Variants in PTPRK observed in about 807,000 individuals in gnomAD.
PTPRK encodes receptor-type tyrosine-protein phosphatase kappa.
PTPRK carries 75 observed loss-of-function variants against 178.0 expected under a neutral mutation model. The observed-to-expected ratio is 0.42, with a 90% CI of 0.35 to 0.51. The LOEUF (loss-of-function observed/expected upper bound fraction) is 0.51. Among genes scored for constraint, PTPRK ranks in the 20% least tolerant of loss-of-function variants. PTPRK has a pLI of 0.02. For missense variants in PTPRK, 1,441 were observed against 1,797.8 expected, an observed-to-expected ratio of 0.80 and a Z score of 3.59; for synonymous variants, 637 against 620.6, an observed-to-expected ratio of 1.03 and a Z score of -0.39.
intron 1 of PTPRK, among the ~76,000 whole-genome samples, chr6:128,419,769 T>C (rs1184750761): frequency 6.6e-6 from 1 of 152,188 alleles, no homozygotes; most frequent in Non-Finnish European, 1.5e-5. Context: ...AGACCGATTC[T>C]GGGGTTGAAG....
chr6:128,257,622 C>G (rs1817544345), intron 3 of PTPRK, among the ~76,000 whole-genome samples: 1 of 151,998 alleles, frequency 6.6e-6, no homozygotes, highest in Admixed American at 6.6e-5. Flanking sequence ...TTCAGGAAAA[C>G]AAATTTGTGT....
chr6:128,464,205 C>A (rs1259495302), intron 1 of PTPRK, among the ~76,000 whole-genome samples: 1 of 151,894 alleles, frequency 6.6e-6, no homozygotes, highest in Admixed American at 6.6e-5. Flanking sequence ...AAAAAAAAAT[C>A]TCTTCATGTA....
intron 7 of PTPRK, 55 bp downstream of exon 7, chr6:128,184,377 G>A (rs781065706): frequency 5.1e-5 from 77 of 1,524,228 alleles, no homozygotes; most frequent in Non-Finnish European, 6.5e-5. Context: ...ATGTATTAAT[G>A]TGTCTTATGC....
At chr6:128,382,841 T>C (rs966556242) in intron 2 of PTPRK, among the ~76,000 whole-genome samples, 5 of 152,204 alleles carry the variant, frequency 3.3e-5, no homozygotes, top group Admixed American at 6.5e-5. Flanking sequence ...AACATAGATG[T>C]AGAGCATTTG....
intron 13 of PTPRK, chr6:128,063,310 T>C (rs183815363): frequency 1.3e-3 from 191 of 152,334 alleles, no homozygotes; most frequent in African/African-American, 4.2e-3. Context: ...TTAAATATCA[T>C]GTGATATTTG....
At chr6:128,005,917 C>G (rs1562421445) in intron 14 of PTPRK, 2 of 827,780 alleles carry the variant, frequency 2.4e-6, no homozygotes, top group Non-Finnish European at 3.5e-6. Context: ...TCTGAAAAAA[C>G]TTTTTTTTTG....
chr6:128,438,034 C>T (rs1464648893), intron 1 of PTPRK, among the ~76,000 whole-genome samples: 1 of 152,228 alleles, frequency 6.6e-6, no homozygotes, highest in Non-Finnish European at 1.5e-5. Context: ...ATACGGGTTT[C>T]CCATCCCGGG....
At chr6:128,150,281 T>G (rs562551081) in intron 7 of PTPRK, among the ~76,000 whole-genome samples, 1 of 152,270 alleles carries the variant, frequency 6.6e-6, no homozygotes, top group African/African-American at 2.4e-5. Flanking sequence ...TCATTTCTGA[T>G]TTTATTCCTT....
At chr6:128,451,257 CATG>C (rs1306216418) in intron 1 of PTPRK, among the ~76,000 whole-genome samples, 1 of 152,148 alleles carries the variant, frequency 6.6e-6, no homozygotes, top group Non-Finnish European at 1.5e-5. Context: ...TTGACCAATA[CATG>C]ATGTTTCCAA....
chr6:128,315,756 AT>A (rs1255545772), intron 3 of PTPRK, among the ~76,000 whole-genome samples: 2 of 152,190 alleles, frequency 1.3e-5, no homozygotes, highest in African/African-American at 4.8e-5. Context: ...TGAAAAATGT[AT>A]TTGTTTTCTA....
intron 3 of PTPRK, among the ~76,000 whole-genome samples, chr6:128,285,460 A>G (rs1235498270): frequency 6.6e-6 from 1 of 150,422 alleles, no homozygotes; most frequent in Non-Finnish European, 1.5e-5. Context: ...GGTTGCAGTG[A>G]GCTGAGATTG....
intron 6 of PTPRK, 48 bp downstream of exon 6, chr6:128,218,874 T>C: frequency 1.3e-6 from 2 of 1,488,622 alleles, no homozygotes; most frequent in Non-Finnish European, 1.8e-6. Flanking sequence ...TTGCTTTTGT[T>C]CTAATAAAGC....
chr6:128,390,352 G>A (rs561030324), intron 2 of PTPRK, among the ~76,000 whole-genome samples: 7 of 152,088 alleles, frequency 4.6e-5, no homozygotes, highest in South Asian at 4.1e-4. Flanking sequence ...AGGGCAAAGC[G>A]TCTCCCCAAG....
intron 1 of PTPRK, among the ~76,000 whole-genome samples, chr6:128,468,009 A>G (rs936670997): frequency 6.6e-6 from 1 of 152,210 alleles, no homozygotes; most frequent in African/African-American, 2.4e-5. Flanking sequence ...TATATATCCA[A>G]CTACCTAATT....
In PTPRK at chr6:128,318,044, T is replaced by C. The variant is rs956732879; in HGVS notation, c.495+3995A>G. ...GGAAGTTACCGCTATATGATATATC[T>C]AGAGAAAAAAAAATCCTGCTGCTTG... On this transcript the variant is annotated intron_variant, in intron 3 of 29. Coordinates refer to ENST00000368226, the MANE Select transcript of PTPRK (RefSeq NM_002844.4). Among the ~76,000 whole-genome samples, 9 of 152,120 alleles carry C rather than the reference T, an allele frequency of 5.9e-5. No individual in the cohort carries two copies. In the East Asian group the frequency reaches 1.7e-3, roughly 29 times the overall value.
intron 3 of PTPRK, among the ~76,000 whole-genome samples, chr6:128,282,781 A>G (rs1821873341): frequency 6.6e-6 from 1 of 152,140 alleles, no homozygotes; most frequent in Non-Finnish European, 1.5e-5. Flanking sequence ...ATTAGTAGAT[A>G]CCCCCAGAAA....
At chr6:128,303,147 C>A (rs1029347272) in intron 3 of PTPRK, among the ~76,000 whole-genome samples, 1 of 152,208 alleles carries the variant, frequency 6.6e-6, no homozygotes, top group African/African-American at 2.4e-5. Context: ...TTTCTGAAAT[C>A]AACTGACTTC....
chr6:128,375,679 A>G (rs1437193075), intron 2 of PTPRK, among the ~76,000 whole-genome samples: 1 of 152,186 alleles, frequency 6.6e-6, no homozygotes, highest in Non-Finnish European at 1.5e-5. Context: ...TTAACTCAAA[A>G]GTCCACAGTC....
intron 1 of PTPRK, among the ~76,000 whole-genome samples, chr6:128,414,931 A>C (rs542709322): frequency 2.0e-5 from 3 of 152,210 alleles, no homozygotes; most frequent in Non-Finnish European, 2.9e-5. Context: ...TCAATGAAAA[A>C]GTTCTCATTT....
Sources: gnomAD v4.1 joint callset for allele counts (sites outside exome capture counted in the v4.1 genomes callset) on GRCh38, gnomAD v4.1.1 for gene constraint, MANE v1.5 for transcripts, NCBI Gene and HGNC (gene_info 2026-07-23, HGNC 2026-07-21) for gene names.